The following FUT9 variants were observed in gnomAD, a reference collection of about 807,000 sequenced individuals.
FUT9 encodes 4-galactosyl-N-acetylglucosaminide 3-alpha-L-fucosyltransferase 9.
A neutral mutation model predicts 29.7 loss-of-function variants in FUT9; 15 were observed. The observed-to-expected ratio is 0.51, with a 90% CI of 0.34 to 0.78. FUT9 has a LOEUF of 0.78. FUT9 is among the 30% of genes least tolerant of loss of function. The pLI is 0.01. For synonymous variants in FUT9, 169 were observed against 153.7 expected (o/e 1.10, Z -0.74); for missense variants, 319 against 425.4 (o/e 0.75, Z 2.20).
chr6:96,157,297 T>C (rs538651277), intron 2 of FUT9, among the ~76,000 whole-genome samples: 15 of 152,316 alleles, frequency 9.8e-5, no homozygotes, highest in Admixed American at 9.1e-4. Context: ...ACTGAAAACA[T>C]CACAAAGGAG....
intron 1 of FUT9, among the ~76,000 whole-genome samples, chr6:96,024,479 G>A (rs551195775): frequency 2.6e-5 from 4 of 151,726 alleles, no homozygotes; most frequent in African/African-American, 9.7e-5. Context: ...ACTCTATATT[G>A]GGAGCAGGAC....
At chr6:96,041,200 G>T (rs766487295) in intron 1 of FUT9, among the ~76,000 whole-genome samples, 2 of 151,460 alleles carry the variant, frequency 1.3e-5, no homozygotes, top group East Asian at 1.9e-4. Context: ...TGAGGACAGG[G>T]TTTATGTGTC....
chr6:96,096,233 G>C (rs779664372), intron 1 of FUT9, among the ~76,000 whole-genome samples: 8 of 152,002 alleles, frequency 5.3e-5, no homozygotes, highest in Non-Finnish European at 1.0e-4. Flanking sequence ...CTTTCTCTCA[G>C]ACCATCAATC....
rs545085304 is a variant in FUT9, at chr6:96,019,708, T to C, written c.-98+3496T>C. On this transcript the variant is annotated intron_variant, in intron 1 of 2. Coordinates refer to ENST00000302103, the MANE Select transcript of FUT9 (RefSeq NM_006581.4). The stretch of plus-strand genomic sequence containing the variant: ...AAATTCTGTGATTTTTACCTGTGAC[T>C]GATTGTGTAAAATTCAATTTTATTA... Among the ~76,000 whole-genome samples the C allele has an allele frequency of 1.8e-4, 27 of 152,228 alleles. No individual in the cohort carries two copies. The South Asian group carries it at 5.4e-3, about 30-fold the overall frequency.
chr6:96,079,449 A>G (rs1771198996), intron 1 of FUT9, among the ~76,000 whole-genome samples: 1 of 152,154 alleles, frequency 6.6e-6, no homozygotes, highest in Admixed American at 6.6e-5. Flanking sequence ...TCAGGTGCTG[A>G]TATTCCTCTC....
chr6:96,112,519 C>A (rs990221476), intron 1 of FUT9, among the ~76,000 whole-genome samples: 1 of 152,172 alleles, frequency 6.6e-6, no homozygotes, highest in South Asian at 2.1e-4. Flanking sequence ...AATTATTTTT[C>A]TTTCAAGCAT....
intron 1 of FUT9, among the ~76,000 whole-genome samples, chr6:96,046,285 A>T (rs1770562826): frequency 6.6e-6 from 1 of 151,946 alleles, no homozygotes; most frequent in African/African-American, 2.4e-5. Flanking sequence ...TTCTGAACGT[A>T]TGCAATGCAC....
intron 1 of FUT9, among the ~76,000 whole-genome samples, chr6:96,071,593 A>G (rs1355738512): frequency 6.6e-6 from 1 of 152,162 alleles, no homozygotes; most frequent in Non-Finnish European, 1.5e-5. Flanking sequence ...AGTGAAGAGT[A>G]TAAAGAGCAA....
At chr6:96,201,083 A>T (rs1426377766) in intron 2 of FUT9, among the ~76,000 whole-genome samples, 1 of 151,930 alleles carries the variant, frequency 6.6e-6, no homozygotes, top group Non-Finnish European at 1.5e-5. Context: ...AATAATTTTT[A>T]AAAAAGGTGG....
intron 1 of FUT9, among the ~76,000 whole-genome samples, chr6:96,052,643 A>G (rs1329843523): frequency 1.3e-5 from 2 of 152,166 alleles, no homozygotes; most frequent in Admixed American, 1.3e-4. Flanking sequence ...TAGGAAGGAG[A>G]ACATCAGAGA....
intron 1 of FUT9, among the ~76,000 whole-genome samples, chr6:96,083,662 A>G (rs946853579): frequency 3.9e-5 from 6 of 151,972 alleles, no homozygotes; most frequent in African/African-American, 1.2e-4. Context: ...AGTTCGTCAT[A>G]CTGAACTAAG....
At chr6:96,110,711 G>C (rs182266924) in intron 1 of FUT9, among the ~76,000 whole-genome samples, 2 of 152,140 alleles carry the variant, frequency 1.3e-5, no homozygotes, top group Non-Finnish European at 1.5e-5. Context: ...GCCAAGGCTG[G>C]AGTGCAGTGG....
chr6:96,058,452 G>A (rs1391191738), intron 1 of FUT9, among the ~76,000 whole-genome samples: 2 of 114,370 alleles, frequency 1.7e-5, no homozygotes, highest in South Asian at 3.0e-4. Flanking sequence ...CAAAGACTGG[G>A]AACCTGGCTT....
chr6:96,084,892 T>C (rs563904999), intron 1 of FUT9, among the ~76,000 whole-genome samples: 3 of 152,234 alleles, frequency 2.0e-5, no homozygotes, highest in African/African-American at 7.2e-5. Flanking sequence ...CTATGTTTCG[T>C]GTGTGTCTAT....
At chr6:96,031,423 A>G (rs940729134) in intron 1 of FUT9, among the ~76,000 whole-genome samples, 9 of 151,492 alleles carry the variant, frequency 5.9e-5, no homozygotes, top group East Asian at 1.9e-4. Context: ...GAGAGGTTGC[A>G]TGGTTTGCTG....
At chr6:96,141,190 AT>A (rs1390387633) in intron 2 of FUT9, among the ~76,000 whole-genome samples, 1 of 152,172 alleles carries the variant, frequency 6.6e-6, no homozygotes, top group Non-Finnish European at 1.5e-5. Flanking sequence ...TCTGAAATGT[AT>A]TTTTATTACT....
intron 1 of FUT9, among the ~76,000 whole-genome samples, chr6:96,108,322 T>C (rs1248277063): frequency 6.6e-6 from 1 of 152,132 alleles, no homozygotes; most frequent in African/African-American, 2.4e-5. Context: ...GACTCTGGAA[T>C]CAATCTGTCT....
chr6:96,202,555 G>GT (rs1388671748), intron 2 of FUT9, among the ~76,000 whole-genome samples: 1 of 152,068 alleles, frequency 6.6e-6, no homozygotes, highest in Non-Finnish European at 1.5e-5. Context: ...GAGTGTACTT[G>GT]TTTTTTAAAA....
At position 96,211,797 on chromosome 6, in the gene FUT9, G is replaced by T. The variant is rs1383016103; in HGVS notation, c.*7562G>T. 1.1e-5 allele frequency: 3 copies of T among 278,168 alleles called. No homozygotes were observed. Among genetic ancestry groups the T allele is most frequent in the Non-Finnish European group, 2.1e-5 (3 of 142,174 alleles). The allele number at this position is 278,168 out of a possible 1,614,324, so 17.2% of individuals were successfully genotyped here. A position where few individuals can be genotyped will look rare whatever the true frequency, so the allele number is the denominator to read the frequency against. On this transcript the variant is annotated 3_prime_UTR_variant, in exon 3 of 3. Transcript: ENST00000302103. ...ATGATATTCAAAATAGTATTTTTAA[G>T]TAGTTTCTAATTGTGTTCCTTTAAA... is the stretch of plus-strand genomic sequence containing the variant.
Sources: gnomAD v4.1 joint callset for allele counts (sites outside exome capture counted in the v4.1 genomes callset) on GRCh38, gnomAD v4.1.1 for gene constraint, MANE v1.5 for transcripts, NCBI Gene and HGNC (gene_info 2026-07-23, HGNC 2026-07-21) for gene names.